The following GGA2 variants were observed in gnomAD, a reference collection of about 807,000 sequenced individuals.
The protein encoded by GGA2 is ADP-ribosylation factor-binding protein GGA2.
Under a neutral mutation model 79.5 loss-of-function variants are expected in GGA2, and 48 were observed. The ratio of observed to expected loss-of-function variants is 0.60; its 90% CI spans 0.48 to 0.77. The LOEUF (loss-of-function observed/expected upper bound fraction) is 0.77. GGA2 is among the 30% of genes least tolerant of loss of function. The pLI, the probability that GGA2 is intolerant of heterozygous loss-of-function variation, is 0.00. For synonymous variants in GGA2, 317 were observed against 302.0 expected, an observed-to-expected ratio of 1.05 and a Z score of -0.51; for missense variants, 770 against 774.0, an observed-to-expected ratio of 0.99 and a Z score of 0.06.
chr16:23,495,393 T>G (rs142056383), intron 2 of GGA2: 345 of 202,656 alleles, frequency 1.7e-3, no homozygotes, highest in African/African-American at 7.4e-3. Flanking sequence ...CCACATGAAT[T>G]TGCTAATTTT....
In GGA2 at chr16:23,482,951, A is replaced by G; in HGVS notation, c.852T>C (p.Ser284=). 1 of 1,611,502 alleles carries G rather than the reference A, an allele frequency of 6.2e-7. No individual in the cohort carries two copies. The highest frequency in any genetic ancestry group is 8.5e-7 in the Non-Finnish European group (1 of 1,177,670). The change falls in exon 9 of 17, where the codon AGT becomes AGC. Residue 284 remains serine, a synonymous_variant. Transcript: ENST00000309859. Reference sequence around the variant, plus strand: ...GTGCATCATCGTCATCAGTGGTGTCACTCGCCAACCGGAACAGCGTGGGCC... The same window carrying G: ...GTGCATCATCGTCATCAGTGGTGTCGCTCGCCAACCGGAACAGCGTGGGCC... ...KLRPTLFRLA[S]DTTDDDDALA...
At position 23,468,918 on chromosome 16, in the gene GGA2, A is replaced by G. The variant is rs1297086900; in HGVS notation, c.1699T>C (p.Ser567Pro). Residue 567 changes from serine (S) to proline (P), a missense_variant, in exon 16 of 17, where the codon TCT (serine) becomes CCT (proline). By Grantham distance (74) the Ser-to-Pro change is moderately conservative (BLOSUM62 -1). Coordinates refer to ENST00000309859, the MANE Select transcript of GGA2 (RefSeq NM_015044.4). ...FSPLMPPAVI[S>P]QMLLLDNPHK... Reference sequence around the variant, plus strand: ...GGATTGTCAAGCAGCAGCATCTGAGATATCACAGCTGGAGGCATCAAAGGA... The same window carrying G: ...GGATTGTCAAGCAGCAGCATCTGAGGTATCACAGCTGGAGGCATCAAAGGA... 1.2e-6 allele frequency: 2 copies of G among 1,609,652 alleles called. No homozygotes were observed. Among genetic ancestry groups the G allele is most frequent in the African/African-American group, 1.3e-5 (1 of 74,852 alleles).
intron 14 of GGA2, among the ~76,000 whole-genome samples, chr16:23,473,013 A>T (rs1019942992): frequency 7.1e-6 from 1 of 140,778 alleles, no homozygotes; most frequent in African/African-American, 2.6e-5. Context: ...AGCCTGGGTG[A>T]CAGCGAGACT....
chr16:23,516,011 A>AT (rs34582265), intron 2 of GGA2, among the ~76,000 whole-genome samples: 115,436 of 141,120 alleles, frequency 0.82, 46,807 homozygotes, highest in Middle Eastern at 0.88. Flanking sequence ...CCTCTGACCT[A>AT]TTTTTTTTTT....
At chr16:23,470,986 C>T (rs1249589473) in intron 14 of GGA2, among the ~76,000 whole-genome samples, 3 of 151,886 alleles carry the variant, frequency 2.0e-5, no homozygotes, top group Admixed American at 2.0e-4. Context: ...TGCACCACCA[C>T]GCCTGGCTAA....
At position 23,495,909 on chromosome 16, in the gene GGA2, G is replaced by A; in HGVS notation, c.92-131C>T. 5.3e-6 allele frequency: 3 copies of A among 563,540 alleles called. No homozygotes were observed. In the East Asian group the frequency reaches 8.7e-5, roughly 16 times the overall value. The allele number at this position is 563,540 out of a possible 1,614,324, so 34.9% of individuals were successfully genotyped here. A position where few individuals can be genotyped will look rare whatever the true frequency, so the allele number is the denominator to read the frequency against. The stretch of plus-strand genomic sequence containing the variant: ...CAGACCAGTGGGCAGACAGCTGGAA[G>A]GAGAGGAATTGTGCCTGCGCTGCCT... On this transcript the variant is annotated intron_variant, in intron 1 of 16. Coordinates refer to ENST00000309859, the MANE Select transcript of GGA2 (RefSeq NM_015044.4).
intron 6 of GGA2, among the ~76,000 whole-genome samples, chr16:23,488,156 C>A (rs998077563): frequency 1.3e-5 from 2 of 152,170 alleles, no homozygotes; most frequent in African/African-American, 4.8e-5. Flanking sequence ...AGTTCTTCCA[C>A]TGTCCCCACC....
chr16:23,478,321 G>A lies in GGA2; in HGVS notation c.1292+47C>T, dbSNP rs373860982. The A allele has an allele frequency of 3.3e-5, 50 of 1,495,538 alleles. No homozygotes were observed. In the Middle Eastern group the frequency reaches 7.1e-4, roughly 21 times the overall value. The allele number at this position is 1,495,538 out of a possible 1,614,324, so 92.6% of individuals were successfully genotyped here. ...GGCCCTTGTCCCATGAGAAGGAACC[G>A]CACTCAGGAGCCACACTCTCCCACT... On this transcript the variant is annotated intron_variant, in intron 13 of 16. Transcript: ENST00000309859.
At chr16:23,515,573 CAAA>C (rs57148954) in intron 2 of GGA2, among the ~76,000 whole-genome samples, 5 of 111,466 alleles carry the variant, frequency 4.5e-5, no homozygotes, top group Non-Finnish European at 8.8e-5. Context: ...CTCCAGCCTG[CAAA>C]AAAAAAAAAA....
rs1964489965 is a variant in GGA2, at chr16:23,470,042, G to A, written c.1574C>T (p.Ala525Val). 1 of 1,601,178 alleles carries A rather than the reference G, an allele frequency of 6.2e-7. No individual in the cohort carries two copies. Among genetic ancestry groups the A allele is most frequent in the Non-Finnish European group, 8.5e-7 (1 of 1,174,010 alleles). ...CATGATATCCCAGACAGGCTGGGGAGCCGTGCTCATCATGGTCAAGAGCAG... is the reference window on the plus strand; with the variant it reads ...CATGATATCCCAGACAGGCTGGGGAACCGTGCTCATCATGGTCAAGAGCAG... ...QVLLLTMMST[A>V]PQPVWDIMFQ... Residue 525 changes from alanine (A) to valine (V), a missense_variant, in exon 15 of 17, where the codon GCT becomes GTT. Ala to Val is a moderately conservative substitution (Grantham distance 64). Transcript: ENST00000309859.
Position 23,486,782 on chromosome 16 carries a change from T to C in GGA2, c.588A>G (p.Thr196=), listed in dbSNP as rs376640972. 10 of 1,602,402 alleles carry C rather than the reference T, an allele frequency of 6.2e-6. No individual in the cohort carries two copies. The African/African-American group carries it at 9.4e-5, about 15-fold the overall frequency. The change falls in exon 7 of 17, where the codon ACA becomes ACG. Residue 196 remains threonine, a synonymous_variant. Coordinates refer to ENST00000309859, the MANE Select transcript of GGA2 (RefSeq NM_015044.4). ...DADEEKSKLL[T]RLLKSNHPED... The stretch of plus-strand genomic sequence containing the variant: ...CGGGGTGGTTGCTCTTTAGAAGCCT[T>C]GTCAGAAGCTGCAGAGAGTGAACAG...
chr16:23,521,958 CTT>C (rs1336592736), exon 1 of GGA2: 12 of 375,898 alleles, frequency 3.2e-5, no homozygotes, highest in East Asian at 7.3e-5. Context: ...TTTTAGTTAA[CTT>C]TTCAGAACCT....
At chr16:23,511,531 T>C (rs1027209525), upstream of GGA2, among the ~76,000 whole-genome samples, 15 of 151,154 alleles carry the variant, frequency 9.9e-5, no homozygotes, top group African/African-American at 3.7e-4. Flanking sequence ...GGAGTCTCGC[T>C]CTGTCGCCCA....
rs756239679 is a variant in GGA2, at chr16:23,465,301, GTGAA to G, written c.*2285_*2288del. 3.6e-5 allele frequency: 25 copies of G among 702,382 alleles called. No individual in the cohort carries two copies. In the East Asian group the frequency reaches 4.0e-4, roughly 11 times the overall value. The allele number at this position is 702,382 out of a possible 1,614,324, so 43.5% of individuals were successfully genotyped here. A position where few individuals can be genotyped will look rare whatever the true frequency, so the allele number is the denominator to read the frequency against. On this transcript the variant is annotated 3_prime_UTR_variant, in exon 17 of 17. Transcript: ENST00000309859. ...TGCACAGCCAATAACTACTTGTTAAGTGAATGAAGAGGTAGGAGCTGGGCTCTAA... is the reference window on the plus strand; with the variant it reads ...TGCACAGCCAATAACTACTTGTTAAGTGAAGAGGTAGGAGCTGGGCTCTAA...
chr16:23,515,994 G>A (rs369023835), intron 2 of GGA2, among the ~76,000 whole-genome samples: 3 of 144,000 alleles, frequency 2.1e-5, no homozygotes, highest in Admixed American at 1.4e-4. Flanking sequence ...ACAGGCATAA[G>A]CCATCACCTC....
chr16:23,501,381 T>C (rs926861808), intron 1 of GGA2: 19 of 451,934 alleles, frequency 4.2e-5, no homozygotes, highest in African/African-American at 1.4e-4. Flanking sequence ...CCCAAGGACA[T>C]TGCAGTTGAG....
At chr16:23,493,806 C>G (rs1447628520) in intron 3 of GGA2, 1 of 314,758 alleles carries the variant, frequency 3.2e-6, no homozygotes, top group Non-Finnish European at 6.0e-6. Flanking sequence ...GTGCCCAAGA[C>G]CAGCCGGATG....
chr16:23,513,808 A>AG (rs922392933), upstream of GGA2, among the ~76,000 whole-genome samples: 3 of 150,140 alleles, frequency 2.0e-5, no homozygotes, highest in South Asian at 2.1e-4. Context: ...AAAGAAAGAA[A>AG]AAAAGAAAAG....
At chr16:23,472,137 G>A (rs1174083368) in intron 14 of GGA2, among the ~76,000 whole-genome samples, 1 of 143,432 alleles carries the variant, frequency 7.0e-6, no homozygotes, top group Admixed American at 7.0e-5. Context: ...GGCATCCAAA[G>A]ATGTTCTTTG....
Sources: allele counts gnomAD v4.1 joint callset (sites outside exome capture counted in the v4.1 genomes callset), GRCh38; gene constraint gnomAD v4.1.1; transcripts MANE v1.5; gene names NCBI Gene and HGNC (gene_info 2026-07-23, HGNC 2026-07-21).